Variants in CDC20B observed in about 807,000 individuals in gnomAD.
The protein encoded by CDC20B is cell division cycle protein 20 homolog B.
In CDC20B, 58 loss-of-function variants were observed where a neutral mutation model predicts 64.1. That is an observed-to-expected ratio of 0.90 (90% CI 0.73 to 1.13). The LOEUF (loss-of-function observed/expected upper bound fraction) is 1.13, where lower values mean the gene tolerates loss of function less well. Ranked by LOEUF, CDC20B falls within the 50% of genes most tolerant of loss-of-function variation. The pLI, the probability that CDC20B is intolerant of heterozygous loss-of-function variation, is 0.00. For missense variants in CDC20B, 597 were observed against 633.0 expected, an observed-to-expected ratio of 0.94 and a Z score of 0.61; for synonymous variants, 243 against 230.6, an observed-to-expected ratio of 1.05 and a Z score of -0.49.
chr5:55,141,320 C>T (rs1287394765), intron 4 of CDC20B, among the ~76,000 whole-genome samples: 2 of 152,210 alleles, frequency 1.3e-5, no homozygotes, highest in Non-Finnish European at 2.9e-5. Context: ...CACGAGCAAG[C>T]CAAGCTGTGT....
In CDC20B at chr5:55,173,101, C is replaced by T; in HGVS notation, c.-101G>A. Reference sequence around the variant, plus strand: ...CAGTCTTGACGCCTAATCGTCAAACCCCTGGAGTCCCGTCCCCCAGGACCA... The same window carrying T: ...CAGTCTTGACGCCTAATCGTCAAACTCCTGGAGTCCCGTCCCCCAGGACCA... On this transcript the variant is annotated 5_prime_UTR_variant, in exon 1 of 12. Coordinates refer to ENST00000381375, the MANE Select transcript of CDC20B (RefSeq NM_001170402.1). 1 of 949,712 alleles carries T rather than the reference C, an allele frequency of 1.1e-6. No individual in the cohort carries two copies. Among genetic ancestry groups the T allele is most frequent in the Non-Finnish European group, 1.6e-6 (1 of 610,696 alleles). 58.8% of individuals were successfully genotyped at this position (949,712 alleles called of 1,614,324 possible). A position where few individuals can be genotyped will look rare whatever the true frequency, so the allele number is the denominator to read the frequency against.
chr5:55,139,536 A>T (rs1230853778), intron 5 of CDC20B, among the ~76,000 whole-genome samples: 1 of 152,216 alleles, frequency 6.6e-6, no homozygotes. Context: ...ATGGTGTCAT[A>T]GTTATCTAGT....
At chr5:55,127,966 TAAAC>T (rs1284106740) in intron 7 of CDC20B, among the ~76,000 whole-genome samples, 1 of 152,042 alleles carries the variant, frequency 6.6e-6, no homozygotes, top group Non-Finnish European at 1.5e-5. Flanking sequence ...CTATTGGTAA[TAAAC>T]AATAATAATG....
chr5:55,138,874 G>A (rs542782943), intron 5 of CDC20B, among the ~76,000 whole-genome samples: 4 of 151,256 alleles, frequency 2.6e-5, no homozygotes, highest in Admixed American at 6.6e-5. Flanking sequence ...AAAGTGAGAT[G>A]AAAAATAGAA....
At chr5:55,164,142 AG>A (rs1473223178) in intron 2 of CDC20B, 1 of 1,604,846 alleles carries the variant, frequency 6.2e-7, no homozygotes. Context: ...AAGCCAGAGG[AG>A]CCCATTGAAG....
intron 5 of CDC20B, among the ~76,000 whole-genome samples, chr5:55,134,510 C>A (rs1458653641): frequency 6.6e-6 from 1 of 152,136 alleles, no homozygotes; most frequent in Non-Finnish European, 1.5e-5. Context: ...TGCCTGTAAT[C>A]TCAGCACTTT....
At chr5:55,172,057 T>C (rs533767019) in intron 2 of CDC20B, among the ~76,000 whole-genome samples, 5 of 152,350 alleles carry the variant, frequency 3.3e-5, no homozygotes, top group Non-Finnish European at 5.9e-5. Flanking sequence ...GAAGGCTCTT[T>C]ATGAAACACG....
intron 3 of CDC20B, 82 bp downstream of exon 3, chr5:55,146,546 G>T: frequency 1.0e-6 from 1 of 997,828 alleles, no homozygotes; most frequent in Non-Finnish European, 1.5e-6. Flanking sequence ...ACACTCCTTA[G>T]TTCTACAAGA....
intron 2 of CDC20B, chr5:55,170,840 T>G (rs954904395): frequency 2.6e-6 from 1 of 381,104 alleles, no homozygotes; most frequent in Non-Finnish European, 5.5e-6. Context: ...TAAAGAAAAC[T>G]TATACACAAA....
At chr5:55,143,358 T>C (rs1398173125) in intron 4 of CDC20B, among the ~76,000 whole-genome samples, 155 bp downstream of exon 4, 2 of 152,254 alleles carry the variant, frequency 1.3e-5, no homozygotes, top group South Asian at 2.1e-4. Flanking sequence ...ACAAAGTGGC[T>C]CTATTCATAT....
intron 6 of CDC20B, 105 bp downstream of exon 6, chr5:55,133,307 G>A (rs1221023484): frequency 1.9e-6 from 1 of 521,262 alleles, no homozygotes; most frequent in East Asian, 2.9e-5. Context: ...ATTTGGATAT[G>A]AGACATAAAG....
intron 9 of CDC20B, among the ~76,000 whole-genome samples, chr5:55,123,711 T>G (rs1742810054): frequency 6.6e-6 from 1 of 152,246 alleles, no homozygotes; most frequent in Non-Finnish European, 1.5e-5. Flanking sequence ...AGGTAACTTG[T>G]CTTGCTTGGC....
intron 2 of CDC20B, among the ~76,000 whole-genome samples, chr5:55,154,263 T>G (rs1743751778): frequency 6.6e-6 from 1 of 152,154 alleles, no homozygotes; most frequent in Non-Finnish European, 1.5e-5. Context: ...ACACCTGTAC[T>G]CTAAGCATTT....
chr5:55,154,982 A>T (rs1743769508), intron 2 of CDC20B, among the ~76,000 whole-genome samples: 1 of 152,252 alleles, frequency 6.6e-6, no homozygotes, highest in South Asian at 2.1e-4. Context: ...GTGCTATTTC[A>T]TCTTCAGTAT....
chr5:55,148,619 G>A (rs1743570139), intron 2 of CDC20B, among the ~76,000 whole-genome samples: 1 of 152,178 alleles, frequency 6.6e-6, no homozygotes, highest in South Asian at 2.1e-4. Flanking sequence ...TGGGGCTGAG[G>A]CAGGAGGATT....
At chr5:55,128,365 T>C in intron 7 of CDC20B, 56 bp downstream of exon 7, 2 of 1,379,666 alleles carry the variant, frequency 1.4e-6, no homozygotes, top group Non-Finnish European at 2.0e-6. Context: ...TAAAAGTCAA[T>C]TATAGTGTAA....
In CDC20B at chr5:55,116,788, G is replaced by A. The variant is rs1166792207; in HGVS notation, c.1460-2470C>T. Among the ~76,000 whole-genome samples, 3 of 152,312 alleles carry A rather than the reference G, an allele frequency of 2.0e-5. No homozygotes were observed. In the East Asian group the frequency reaches 5.8e-4, roughly 29 times the overall value. Reference sequence around the variant, plus strand: ...AAAGGGAAAAGGAATAATGGTGGGGGGAAATCCCAATCTTTTCCAAAGCAT... The same window carrying A: ...AAAGGGAAAAGGAATAATGGTGGGGAGAAATCCCAATCTTTTCCAAAGCAT... On this transcript the variant is annotated intron_variant, in intron 11 of 11. Coordinates refer to ENST00000381375, the MANE Select transcript of CDC20B (RefSeq NM_001170402.1).
intron 3 of CDC20B, among the ~76,000 whole-genome samples, chr5:55,144,963 T>C (rs546640532): frequency 6.6e-6 from 1 of 152,360 alleles, no homozygotes; most frequent in South Asian, 2.1e-4. Context: ...GATTAATCCC[T>C]AGTATTAACT....
intron 6 of CDC20B, 43 bp downstream of exon 6, chr5:55,133,369 T>G (rs186121444): frequency 9.9e-7 from 1 of 1,012,578 alleles, no homozygotes; most frequent in East Asian, 2.5e-5. Context: ...AGGATGCATT[T>G]TGTCATTTCA....
Sources: gnomAD v4.1 joint callset for allele counts (sites outside exome capture counted in the v4.1 genomes callset) on GRCh38, gnomAD v4.1.1 for gene constraint, MANE v1.5 for transcripts, NCBI Gene and HGNC (gene_info 2026-07-23, HGNC 2026-07-21) for gene names.